NUCKS1: variants seen among roughly 807,000 people sequenced by gnomAD.
NUCKS1 encodes nuclear ubiquitous casein and cyclin-dependent kinase substrate 1.
Under a neutral mutation model 33.0 loss-of-function variants are expected in NUCKS1, and 2 were observed. The observed-to-expected ratio is 0.06, with a 90% confidence interval of 0.02 to 0.19. The LOEUF is 0.19. Among genes scored for constraint, NUCKS1 ranks in the 10% least tolerant of loss-of-function variants. NUCKS1 has a pLI of 1.00. For synonymous variants in NUCKS1, 106 were observed against 102.8 expected (o/e 1.03, Z -0.19); for missense variants, 201 against 293.6 (o/e 0.68, Z 2.31).
Position 205,729,619 on chromosome 1 carries a change from T to A in NUCKS1, c.20A>T (p.Asn7Ile). The A allele has an allele frequency of 6.2e-7, 1 of 1,607,630 alleles. No individual in the cohort carries two copies. The highest frequency in any genetic ancestry group is 8.5e-7 in the Non-Finnish European group (1 of 1,174,264). The change falls in exon 2 of 7, where the codon AAT (asparagine) becomes ATT (isoleucine). Residue 7 changes from asparagine to isoleucine, a missense_variant and splice_region_variant. Coordinates refer to ENST00000367142, the MANE Select transcript of NUCKS1 (RefSeq NM_022731.5). MSRPVR[N>I]RKVVDYSQFQ... ...CTGTGAGTAATCAACAACCTTCCTA[T>A]TTCTGTAGAAAGAAGAGACTCTAAT...
chr1:205,717,596 C>T lies in NUCKS1; in HGVS notation c.*684G>A, dbSNP rs1402755599. On this transcript the variant is annotated 3_prime_UTR_variant, in exon 7 of 7. Transcript: ENST00000367142. ...ACAAGTGATGAAATAAAAAAGAAAG[C>T]CCATACCCTCAAATAAGGTCAGGTA... 4 of 984,888 alleles carry T rather than the reference C, an allele frequency of 4.1e-6. No homozygotes were observed. Among genetic ancestry groups the T allele is most frequent in the Non-Finnish European group, 4.8e-6 (4 of 829,978 alleles). The allele number at this position is 984,888 out of a possible 1,614,324, so 61.0% of individuals were successfully genotyped here. A position where few individuals can be genotyped will look rare whatever the true frequency, so the allele number is the denominator to read the frequency against.
rs534715386 is a variant in NUCKS1, at chr1:205,745,199, C to T, written c.17+4758G>A. Among the ~76,000 whole-genome samples, 13 of 152,296 alleles carry T rather than the reference C, an allele frequency of 8.5e-5. No individual in the cohort carries two copies. The East Asian group carries it at 2.3e-3, about 27-fold the overall frequency. On this transcript the variant is annotated intron_variant, in intron 1 of 6. Transcript: ENST00000367142. ...AAATCCAGCCTTGATATTATCTCTA[C>T]ACTAACTCCTTGGGTTCAAAGTCAT... is the stretch of plus-strand genomic sequence containing the variant.
chr1:205,718,510 A>G lies in NUCKS1; in HGVS notation c.533-31T>C, dbSNP rs534524097. ...AATAGAAAAATAATTTGGGGAAGGG[A>G]AGAGAAAAAAATGTCTTTAATAAAA... On this transcript the variant is annotated intron_variant, in intron 6 of 6. Coordinates refer to ENST00000367142, the MANE Select transcript of NUCKS1 (RefSeq NM_022731.5). The G allele has an allele frequency of 9.3e-5, 149 of 1,600,404 alleles. 1 individual carries two copies. The South Asian group carries it at 1.5e-3, about 17-fold the overall frequency.
chr1:205,717,277 C>T lies in NUCKS1; in HGVS notation c.*1003G>A. 1 of 983,192 alleles carries T rather than the reference C, an allele frequency of 1.0e-6. No homozygotes were observed. The highest frequency in any genetic ancestry group is 1.2e-6 in the Non-Finnish European group (1 of 826,150). 60.9% of individuals were successfully genotyped at this position (983,192 alleles called of 1,614,324 possible). ...CTATTTCATAAAGGAAAAATCTCAA[C>T]TCTTTGTGACTGAGTTTCACATTAA... On this transcript the variant is annotated 3_prime_UTR_variant, in exon 7 of 7. Coordinates refer to ENST00000367142, the MANE Select transcript of NUCKS1 (RefSeq NM_022731.5).
At chr1:205,739,441 T>C (rs1654110387) in intron 1 of NUCKS1, among the ~76,000 whole-genome samples, 1 of 152,220 alleles carries the variant, frequency 6.6e-6, no homozygotes. Flanking sequence ...TAAAAAAATA[T>C]TGAGGGCAGA....
rs1266388003 is a variant in NUCKS1 at position 205,713,969 on chromosome 1, C to T, written c.*4311G>A. The T allele has an allele frequency of 6.6e-6, 1 of 152,156 alleles. No homozygotes were observed. The highest frequency in any genetic ancestry group is 1.9e-4 in the East Asian group (1 of 5,202). The allele number at this position is 152,156 out of a possible 1,614,324, so 9.4% of individuals were successfully genotyped here. ...TACTGAGAACTTGGCTGTTGCTTAA[C>T]CTGGCAAGTCTAAAAGCCTTTCTTT... is the stretch of plus-strand genomic sequence containing the variant. On this transcript the variant is annotated 3_prime_UTR_variant, in exon 7 of 7. Coordinates refer to ENST00000367142, the MANE Select transcript of NUCKS1 (RefSeq NM_022731.5).
intron 1 of NUCKS1, among the ~76,000 whole-genome samples, chr1:205,741,679 G>A (rs1351957560): frequency 2.0e-5 from 3 of 152,214 alleles, no homozygotes; most frequent in African/African-American, 7.2e-5. Context: ...GAATTTTGGA[G>A]AAGGGTAGAA....
At chr1:205,745,967 T>A (rs951002118) in intron 1 of NUCKS1, among the ~76,000 whole-genome samples, 3 of 152,204 alleles carry the variant, frequency 2.0e-5, no homozygotes, top group Admixed American at 6.5e-5. Context: ...ATTAATTACA[T>A]GTATGTTGAG....
intron 1 of NUCKS1, among the ~76,000 whole-genome samples, chr1:205,745,968 G>A (rs1317261239): frequency 6.6e-6 from 1 of 152,152 alleles, no homozygotes; most frequent in Non-Finnish European, 1.5e-5. Flanking sequence ...TTAATTACAT[G>A]TATGTTGAGC....
rs1471702787 is a variant in NUCKS1, at chr1:205,712,914, T to A, written c.*5366A>T. On this transcript the variant is annotated 3_prime_UTR_variant, in exon 7 of 7. Transcript: ENST00000367142. ...CCTTGGATGTAAACATGAGAAAAAATGCTAATTAAGAATCCTTACGCACCC... is the reference window on the plus strand; with the variant it reads ...CCTTGGATGTAAACATGAGAAAAAAAGCTAATTAAGAATCCTTACGCACCC... 1 of 152,176 alleles carries A rather than the reference T, an allele frequency of 6.6e-6. No homozygotes were observed. Among genetic ancestry groups the A allele is most frequent in the Non-Finnish European group, 1.5e-5 (1 of 68,036 alleles). The allele number at this position is 152,176 out of a possible 1,614,324, so 9.4% of individuals were successfully genotyped here. A position where few individuals can be genotyped will look rare whatever the true frequency, so the allele number is the denominator to read the frequency against.
At position 205,717,470 on chromosome 1, in the gene NUCKS1, G is replaced by A. The variant is rs1671843332; in HGVS notation, c.*810C>T. On this transcript the variant is annotated 3_prime_UTR_variant, in exon 7 of 7. Coordinates refer to ENST00000367142, the MANE Select transcript of NUCKS1 (RefSeq NM_022731.5). ...CATATATATTTAGAGAAGGAAATATGAAATCAAGAGTTTTGGCAGCCCCTG... is the reference window on the plus strand; with the variant it reads ...CATATATATTTAGAGAAGGAAATATAAAATCAAGAGTTTTGGCAGCCCCTG... 1.0e-6 allele frequency: 1 copy of A among 978,740 alleles called. No individual in the cohort carries two copies. The allele number at this position is 978,740 out of a possible 1,614,324, so 60.6% of individuals were successfully genotyped here. A position where few individuals can be genotyped will look rare whatever the true frequency, so the allele number is the denominator to read the frequency against.
In NUCKS1 at chr1:205,717,356, C is replaced by A; in HGVS notation, c.*924G>T. On this transcript the variant is annotated 3_prime_UTR_variant, in exon 7 of 7. Coordinates refer to ENST00000367142, the MANE Select transcript of NUCKS1 (RefSeq NM_022731.5). ...CATTGTCAGTTTGAAAAGAAATCCA[C>A]TGTGACCTGTAGACTGATCTTGTTG... 1.9e-5 allele frequency: 19 copies of A among 985,860 alleles called. No homozygotes were observed. Among genetic ancestry groups the A allele is most frequent in the Non-Finnish European group, 2.3e-5 (19 of 829,592 alleles). 61.1% of individuals were successfully genotyped at this position (985,860 alleles called of 1,614,324 possible). A position where few individuals can be genotyped will look rare whatever the true frequency, so the allele number is the denominator to read the frequency against.
rs187182112 is a variant in NUCKS1 at position 205,724,112 on chromosome 1, T to C, written c.174-131A>G. ...CTATATAAAATCTTCAAACAAATGC[T>C]AAGGAGTACTTTATTTCCTTATTTA... On this transcript the variant is annotated intron_variant, in intron 3 of 6. Transcript: ENST00000367142. The C allele has an allele frequency of 6.6e-6, 5 of 760,234 alleles. No homozygotes were observed. In the South Asian group the frequency reaches 7.0e-5, roughly 11 times the overall value. 47.1% of individuals were successfully genotyped at this position (760,234 alleles called of 1,614,324 possible).
At chr1:205,748,259 C>T (rs1282274795) in intron 1 of NUCKS1, among the ~76,000 whole-genome samples, 2 of 152,074 alleles carry the variant, frequency 1.3e-5, no homozygotes, top group Non-Finnish European at 2.9e-5. Context: ...GAGATAAGAA[C>T]GTCACCACAA....
At chr1:205,719,738 G>A (rs551017835) in intron 5 of NUCKS1, 62 bp from the exon 6 acceptor site, 1 of 1,550,618 alleles carries the variant, frequency 6.4e-7, no homozygotes, top group South Asian at 1.2e-5. Context: ...AGTAAAAAAG[G>A]AAGAGAGTGC....
intron 1 of NUCKS1, among the ~76,000 whole-genome samples, chr1:205,743,026 A>G (rs572475375): frequency 6.6e-5 from 10 of 152,140 alleles, no homozygotes; most frequent in Non-Finnish European, 1.2e-4. Flanking sequence ...CAGCATGCTC[A>G]ATACTTTTTA....
Position 205,712,970 on chromosome 1 carries a change from G to A in NUCKS1, c.*5310C>T, listed in dbSNP as rs552633251. ...AGTGCTCCCTTAATTAATCAAACTG[G>A]TAAGTCTACTGCTTCTTGATTCCAT... On this transcript the variant is annotated 3_prime_UTR_variant, in exon 7 of 7. Coordinates refer to ENST00000367142, the MANE Select transcript of NUCKS1 (RefSeq NM_022731.5). 6.6e-6 allele frequency: 1 copy of A among 152,170 alleles called. No individual in the cohort carries two copies. The highest frequency in any genetic ancestry group is 1.5e-5 in the Non-Finnish European group (1 of 68,042). The allele number at this position is 152,170 out of a possible 1,614,324, so 9.4% of individuals were successfully genotyped here.
chr1:205,724,868 C>CCA (rs1231412548), intron 3 of NUCKS1, among the ~76,000 whole-genome samples: 8 of 151,976 alleles, frequency 5.3e-5, no homozygotes, highest in African/African-American at 1.9e-4. Flanking sequence ...CCTGGTGGTA[C>CCA]CATGAAGAAA....
chr1:205,735,453 CAT>C (rs1404690565), intron 1 of NUCKS1, among the ~76,000 whole-genome samples: 2 of 152,168 alleles, frequency 1.3e-5, no homozygotes, highest in East Asian at 3.8e-4. Flanking sequence ...CTATGTGACA[CAT>C]GATAGTTAAA....
Sources: allele counts gnomAD v4.1 joint callset (sites outside exome capture counted in the v4.1 genomes callset), GRCh38; gene constraint gnomAD v4.1.1; transcripts MANE v1.5; gene names NCBI Gene and HGNC (gene_info 2026-07-23, HGNC 2026-07-21).